The following SPTBN4 variants were observed in gnomAD, a reference collection of about 807,000 sequenced individuals.
SPTBN4 encodes the protein spectrin beta, non-erythrocytic 4.
A neutral mutation model predicts 277.8 loss-of-function variants in SPTBN4; 96 were observed. That is an observed-to-expected ratio of 0.35 (90% CI 0.29 to 0.41). The LOEUF (loss-of-function observed/expected upper bound fraction) is 0.41, where lower values mean the gene tolerates loss of function less well. Ranked by LOEUF, SPTBN4 falls within the 10% of genes least tolerant of loss-of-function variation. SPTBN4 has a pLI of 1.00. For synonymous variants in SPTBN4, 1,481 were observed against 1,580.3 expected (o/e 0.94, Z 1.49); for missense variants, 3,006 against 3,595.7 (o/e 0.84, Z 4.19).
chr19:40,479,105 G>T (rs545778013), intron 2 of SPTBN4, among the ~76,000 whole-genome samples: 8 of 151,132 alleles, frequency 5.3e-5, no homozygotes, highest in African/African-American at 1.9e-4. Flanking sequence ...TTTTTCTCCC[G>T]CTTTTATTTT....
rs1317294181 is a variant in SPTBN4 at position 40,502,152 on chromosome 19, G to C, written c.922G>C (p.Gly308Arg). The C allele has an allele frequency of 6.2e-7, 1 of 1,613,914 alleles. No homozygotes were observed. The highest frequency in any genetic ancestry group is 1.7e-5 in the Admixed American group (1 of 60,020). ...GGTCTTGGACCAGGTATTGGAGGTG[G>C]GGAAGATCATAGAACGCTACGAGGA... ...GKVLDQVLEVGKIIERYEELA... is the reference protein window; with the variant it reads ...GKVLDQVLEVRKIIERYEELA... Residue 308 changes from glycine (G) to arginine (R), a missense_variant, in exon 9 of 36, where the codon GGG (glycine) becomes CGG (arginine). Gly to Arg is a moderately radical substitution (Grantham distance 125, BLOSUM62 -2). Coordinates refer to ENST00000598249, the MANE Select transcript of SPTBN4 (RefSeq NM_020971.3). The surrounding 1 kb of genome is among the most constrained non-coding windows in gnomAD (Gnocchi z 4.9).
At chr19:40,474,662 G>C (rs1356983933) in intron 2 of SPTBN4, among the ~76,000 whole-genome samples, 1 of 152,002 alleles carries the variant, frequency 6.6e-6, no homozygotes, top group Non-Finnish European at 1.5e-5. Flanking sequence ...CACTTTGGGA[G>C]GCTGAGGCGG....
intron 1 of SPTBN4, among the ~76,000 whole-genome samples, chr19:40,469,892 C>G (rs1225754053): frequency 6.6e-6 from 1 of 152,126 alleles, no homozygotes; most frequent in Non-Finnish European, 1.5e-5. Flanking sequence ...GATTCACCCA[C>G]CTTGGCCTCC....
At chr19:40,547,749 GT>G (rs1197144787) in intron 20 of SPTBN4, among the ~76,000 whole-genome samples, 9 of 152,290 alleles carry the variant, frequency 5.9e-5, no homozygotes, top group African/African-American at 2.2e-4. Flanking sequence ...ATATCTCATT[GT>G]GGTTTTGATT....
chr19:40,558,888 A>G (rs929151298), intron 26 of SPTBN4, among the ~76,000 whole-genome samples: 1 of 148,750 alleles, frequency 6.7e-6, no homozygotes, highest in Non-Finnish European at 1.5e-5. Flanking sequence ...GATTACAGGC[A>G]TGAGCTACTA....
At chr19:40,556,994 GT>G in intron 25 of SPTBN4, 28 bp from the exon 26 acceptor site, 4 of 1,507,922 alleles carry the variant, frequency 2.7e-6, no homozygotes, top group Non-Finnish European at 2.7e-6. Flanking sequence ...TCACTTTGCT[GT>G]ACCCCCCCCC....
At chr19:40,504,516 AC>A (rs1193533221) in intron 12 of SPTBN4, among the ~76,000 whole-genome samples, 5 of 151,750 alleles carry the variant, frequency 3.3e-5, no homozygotes, top group East Asian at 1.9e-4. Flanking sequence ...AAAATACAAA[AC>A]AATTAGCCGG....
At chr19:40,489,937 C>T in intron 3 of SPTBN4, 138 bp from the exon 4 acceptor site, 3 of 818,668 alleles carry the variant, frequency 3.7e-6, no homozygotes, top group South Asian at 1.9e-5. Flanking sequence ...TTGGATAAAA[C>T]GAGAGGAGGA....
chr19:40,502,775 G>T lies in SPTBN4; in HGVS notation c.1204G>T (p.Ala402Ser). ...GAGTGCCTCCTCCCATCTCCTGCAG[G>T]CATGGGGTGAGCTGGAGAAGGCTGA... ...EGCGIWDIDK[A>S]WGELEKAEHE... The change falls in exon 11 of 36, where the codon GCA (alanine) becomes TCA (serine). Residue 402 changes from alanine (A) to serine (S), a missense_variant and splice_region_variant. By Grantham distance (99) the Ala-to-Ser change is moderately conservative. Around this residue, in one of 5 missense-constraint regions of SPTBN4, gnomAD observed 1,759 missense variants for 2,061.5 expected, o/e 0.85. Transcript: ENST00000598249. The surrounding 1 kb of genome is among the most constrained non-coding windows in gnomAD (Gnocchi z 4.9). 1 of 1,613,642 alleles carries T rather than the reference G, an allele frequency of 6.2e-7. No individual in the cohort carries two copies. Among genetic ancestry groups the T allele is most frequent in the South Asian group, 1.1e-5 (1 of 91,018 alleles).
rs750326965 is a variant in SPTBN4, at chr19:40,554,552, C to G, written c.4990C>G (p.Leu1664Val). The G allele has an allele frequency of 1.3e-6, 2 of 1,503,274 alleles. No individual in the cohort carries two copies. The highest frequency in any genetic ancestry group is 4.4e-5 in the Admixed American group (2 of 44,962). The allele number at this position is 1,503,274 out of a possible 1,614,324, so 93.1% of individuals were successfully genotyped here. A position where few individuals can be genotyped will look rare whatever the true frequency, so the allele number is the denominator to read the frequency against. The change falls in exon 24 of 36, where the codon CTG becomes GTG. Residue 1664 changes from leucine to valine, a missense_variant. Leu to Val is a conservative substitution (Grantham distance 32). Around this residue, in one of 5 missense-constraint regions of SPTBN4, gnomAD observed 425 missense variants for 594.7 expected, o/e 0.71. Coordinates refer to ENST00000598249, the MANE Select transcript of SPTBN4 (RefSeq NM_020971.3). The surrounding 1 kb of genome is among the most constrained non-coding windows in gnomAD (Gnocchi z 5.7). ...QSTLQLLKKHLQLEQGVENYE... is the reference protein window; with the variant it reads ...QSTLQLLKKHVQLEQGVENYE... ...CACCCTGCAGCTGCTCAAGAAACAC[C>G]TGCAGCTGGAGCAAGGCGTGGAGAA...
In SPTBN4 at chr19:40,487,815, G is replaced by A. The variant is rs751353548; in HGVS notation, c.288G>A (p.Thr96=). 2 of 1,610,390 alleles carry A rather than the reference G, an allele frequency of 1.2e-6. No individual in the cohort carries two copies. Among genetic ancestry groups the A allele is most frequent in the South Asian group, 1.1e-5 (1 of 90,560 alleles). The change falls in exon 3 of 36, where the codon ACG becomes ACA. Residue 96 remains threonine, a synonymous_variant. Coordinates refer to ENST00000598249, the MANE Select transcript of SPTBN4 (RefSeq NM_020971.3). ...ACCTCCGGGACGGCTTCGTGCTCAC[G>A]CGGCTCCTGGAAGTGCTGTCTGGGG... ...YVDLRDGFVL[T]RLLEVLSGEQ...
chr19:40,572,503 A>C (rs1302344133), intron 35 of SPTBN4, 123 bp downstream of exon 35: 2 of 1,271,178 alleles, frequency 1.6e-6, no homozygotes, highest in East Asian at 2.3e-5. Context: ...TCAGGGCTGT[A>C]ATGGGAAAGC....
chr19:40,570,440 C>T lies in SPTBN4; in HGVS notation c.7031C>T (p.Ser2344Leu). The T allele has an allele frequency of 6.4e-7, 1 of 1,564,342 alleles. No individual in the cohort carries two copies. ...EAGPGLPAGP[S>L]LPQPRELPPG... is the part of the protein sequence containing the mutation. ...CTTCCCCCTCCCTTCACACAGCCGT[C>T]GCTGCCTCAGCCACGCGAGCTTCCC... Residue 2344 changes from serine to leucine, a missense_variant, in exon 33 of 36, where the codon TCG (serine) becomes TTG (leucine). By Grantham distance (145) the Ser-to-Leu change is moderately radical (BLOSUM62 -2). Around this residue, in one of 5 missense-constraint regions of SPTBN4, gnomAD observed 630 missense variants for 677.6 expected, o/e 0.93. Coordinates refer to ENST00000598249, the MANE Select transcript of SPTBN4 (RefSeq NM_020971.3).
Position 40,560,458 on chromosome 19 carries a change from C to T in SPTBN4, c.5915+55C>T. On this transcript the variant is annotated intron_variant, in intron 27 of 35. Transcript: ENST00000598249. The surrounding 1 kb of genome is among the most constrained non-coding windows in gnomAD (Gnocchi z 5.2). ...CCTCCCCCTGGTGGCCTACCCCAGC[C>T]ACCCCCAGCCCATTGACAGCCCCCT... 6.2e-7 allele frequency: 1 copy of T among 1,611,132 alleles called. No homozygotes were observed. Among genetic ancestry groups the T allele is most frequent in the East Asian group, 2.2e-5 (1 of 44,800 alleles).
Position 40,490,175 on chromosome 19 carries a change from G to T in SPTBN4, c.422G>T (p.Gly141Val). 1 of 1,614,244 alleles carries T rather than the reference G, an allele frequency of 6.2e-7. No homozygotes were observed. Among genetic ancestry groups the T allele is most frequent in the Non-Finnish European group, 8.5e-7 (1 of 1,180,036 alleles). Residue 141 changes from glycine to valine, a missense_variant, in exon 4 of 36, where the codon GGT (glycine) becomes GTT (valine). Around this residue, in one of 5 missense-constraint regions of SPTBN4, gnomAD observed 114 missense variants for 196.1 expected, o/e 0.58. Coordinates refer to ENST00000598249, the MANE Select transcript of SPTBN4 (RefSeq NM_020971.3). The surrounding 1 kb of genome is among the most constrained non-coding windows in gnomAD (Gnocchi z 4.3). ...KEQRVHLENVGSHDIVDGNHR... is the reference protein window; with the variant it reads ...KEQRVHLENVVSHDIVDGNHR... ...CAGCGCGTGCACCTGGAGAACGTGG[G>T]TTCGCATGACATCGTGGATGGGAAT...
At chr19:40,505,550 G>A (rs1332501897) in intron 12 of SPTBN4, among the ~76,000 whole-genome samples, 3 of 151,984 alleles carry the variant, frequency 2.0e-5, no homozygotes, top group East Asian at 1.9e-4. Flanking sequence ...AAAATTAGCC[G>A]GGCGAAGTAC....
intron 32 of SPTBN4, among the ~76,000 whole-genome samples, chr19:40,570,054 C>T (rs1358983094): frequency 1.3e-5 from 2 of 151,308 alleles, no homozygotes; most frequent in African/African-American, 4.9e-5. Flanking sequence ...ACTCTTCCCA[C>T]ATCTGTCCTG....
At chr19:40,572,436 T>C in intron 35 of SPTBN4, 56 bp downstream of exon 35, 1 of 1,604,354 alleles carries the variant, frequency 6.2e-7, no homozygotes, top group Non-Finnish European at 8.5e-7. Context: ...CCTGGCTGTC[T>C]GGCTCCTGAC....
intron 7 of SPTBN4, among the ~76,000 whole-genome samples, chr19:40,499,416 G>A (rs1325734367): frequency 6.6e-6 from 1 of 151,936 alleles, no homozygotes; most frequent in Non-Finnish European, 1.5e-5. Flanking sequence ...TTGAAATGGG[G>A]TCTCACTGTG....
Sources: gnomAD v4.1 joint callset for allele counts (sites outside exome capture counted in the v4.1 genomes callset) on GRCh38, gnomAD v4.1.1 for gene constraint, gnomAD v4.1.1 regional missense constraint, Gnocchi (gnomAD v3.1) non-coding constraint, MANE v1.5 for transcripts, NCBI Gene and HGNC (gene_info 2026-07-23, HGNC 2026-07-21) for gene names.